VPS41: variants seen among roughly 807,000 people sequenced by gnomAD.
VPS41 encodes the protein VPS41 subunit of HOPS complex.
VPS41 carries 85 observed loss-of-function variants against 130.9 expected under a neutral mutation model. The observed-to-expected ratio is 0.65, with a 90% CI of 0.55 to 0.78. The LOEUF (loss-of-function observed/expected upper bound fraction) is 0.78. Ranked by LOEUF, VPS41 falls within the 30% of genes least tolerant of loss-of-function variation. VPS41 has a pLI of 0.00. For missense variants in VPS41, 874 were observed against 1,018.7 expected, an observed-to-expected ratio of 0.86 and a Z score of 1.93; for synonymous variants, 335 against 332.9, an observed-to-expected ratio of 1.01 and a Z score of -0.07.
rs369650534 is a variant in VPS41 at position 38,850,861 on chromosome 7, T to C, written c.246+11684A>G. On this transcript the variant is annotated intron_variant, in intron 4 of 28. Coordinates refer to ENST00000310301, the MANE Select transcript of VPS41 (RefSeq NM_014396.4). ...AATTCCCATTTTCTAGAAATCTAAGTGGCAATGAATTTTCAAATAACAACA... is the reference window on the plus strand; with the variant it reads ...AATTCCCATTTTCTAGAAATCTAAGCGGCAATGAATTTTCAAATAACAACA... Among the ~76,000 whole-genome samples, 3 of 152,244 alleles carry C rather than the reference T, an allele frequency of 2.0e-5. 1 individual carries two copies. Among genetic ancestry groups the C allele is most frequent in the East Asian group, 1.9e-4 (1 of 5,184 alleles).
intron 22 of VPS41, among the ~76,000 whole-genome samples, chr7:38,747,093 T>C (rs1796000787): frequency 6.6e-6 from 1 of 152,228 alleles, no homozygotes; most frequent in South Asian, 2.1e-4. Context: ...AAATCTTCCT[T>C]TATTTTGATT....
At chr7:38,783,871 A>G (rs1471607754) in intron 10 of VPS41, among the ~76,000 whole-genome samples, 1 of 142,628 alleles carries the variant, frequency 7.0e-6, no homozygotes, top group Non-Finnish European at 1.6e-5. Flanking sequence ...TGTGTATTCA[A>G]ACCTATGAGA....
intron 18 of VPS41, 112 bp downstream of exon 18, chr7:38,758,242 T>C: frequency 1.0e-6 from 1 of 988,094 alleles, no homozygotes; most frequent in South Asian, 1.7e-5. Context: ...AGAAGGAATG[T>C]AGGAAAATGG....
At position 38,795,484 on chromosome 7, in the gene VPS41, C is replaced by T; in HGVS notation, c.698G>A (p.Gly233Asp). 1.2e-6 allele frequency: 2 copies of T among 1,611,892 alleles called. No homozygotes were observed. Among genetic ancestry groups the T allele is most frequent in the Non-Finnish European group, 1.7e-6 (2 of 1,178,798 alleles). ...CWKDNVTLII[G>D]WGTSVKVCSV... is the part of the protein sequence containing the mutation. ...AACCACCTTGACAGAAGTCCCCCAG[C>T]CAATAATCAGTGTCACATTGTCCTT... Residue 233 changes from glycine (G) to aspartate (D), a missense_variant, in exon 9 of 29, where the codon GGC (glycine) becomes GAC (aspartate). By Grantham distance (94) the Gly-to-Asp change is moderately conservative (BLOSUM62 -1). Coordinates refer to ENST00000310301, the MANE Select transcript of VPS41 (RefSeq NM_014396.4).
intron 14 of VPS41, among the ~76,000 whole-genome samples, 197 bp downstream of exon 14, chr7:38,771,001 T>C (rs186617394): frequency 6.6e-6 from 1 of 152,110 alleles, no homozygotes; most frequent in African/African-American, 2.4e-5. Flanking sequence ...TAAAACTGCC[T>C]CCTAGCAGGT....
chr7:38,800,122 A>G (rs768009418), intron 7 of VPS41, among the ~76,000 whole-genome samples: 28 of 152,252 alleles, frequency 1.8e-4, no homozygotes, highest in Non-Finnish European at 3.5e-4. Context: ...AGAGCTATTT[A>G]TAACAGCCAG....
chr7:38,746,397 G>C (rs1228949480), intron 22 of VPS41, among the ~76,000 whole-genome samples: 3 of 152,158 alleles, frequency 2.0e-5, no homozygotes, highest in Non-Finnish European at 2.9e-5. Flanking sequence ...TAATAAAAAT[G>C]TTAGTGATGA....
At chr7:38,849,345 T>G (rs1291979205) in intron 4 of VPS41, among the ~76,000 whole-genome samples, 1 of 152,166 alleles carries the variant, frequency 6.6e-6, no homozygotes, top group Admixed American at 6.5e-5. Context: ...CTTCTGTAGG[T>G]GGCTTGTGTT....
chr7:38,852,120 T>A (rs1785869964), intron 4 of VPS41, among the ~76,000 whole-genome samples: 1 of 152,136 alleles, frequency 6.6e-6, no homozygotes, highest in African/African-American at 2.4e-5. Context: ...CCTCAGCTCA[T>A]GTAACCTGAG....
chr7:38,771,948 T>C (rs1417593538), intron 13 of VPS41, among the ~76,000 whole-genome samples: 1 of 152,150 alleles, frequency 6.6e-6, no homozygotes, highest in Admixed American at 6.5e-5. Flanking sequence ...GTACAACAAA[T>C]ACGTAGACTA....
rs1562560609 is a variant in VPS41 at position 38,724,593 on chromosome 7, T to G, written c.*1653A>C. 1.4e-5 allele frequency: 2 copies of G among 139,532 alleles called. No individual in the cohort carries two copies. Among genetic ancestry groups the G allele is most frequent in the African/African-American group, 6.0e-5 (2 of 33,180 alleles). 8.6% of individuals were successfully genotyped at this position (139,532 alleles called of 1,614,324 possible). On this transcript the variant is annotated 3_prime_UTR_variant, in exon 29 of 29. Coordinates refer to ENST00000310301, the MANE Select transcript of VPS41 (RefSeq NM_014396.4). ...TTGAACTTGGCCCTATGATTTCTTT[T>G]CTTTTCTTTTCTTTTTTGAGACGGA... is the stretch of plus-strand genomic sequence containing the variant.
intron 2 of VPS41, among the ~76,000 whole-genome samples, chr7:38,871,767 G>GTGCAT (rs1562618142): frequency 6.6e-6 from 1 of 152,142 alleles, no homozygotes; most frequent in Non-Finnish European, 1.5e-5. Flanking sequence ...TATTTAGCAG[G>GTGCAT]TGCATTAGCT....
chr7:38,830,366 G>C, intron 4 of VPS41, 38 bp from the exon 5 acceptor site: 2 of 1,204,700 alleles, frequency 1.7e-6, no homozygotes, highest in Non-Finnish European at 2.5e-6. Flanking sequence ...TAAAACTTCA[G>C]GAAAATATAT....
In VPS41 at chr7:38,763,609, A is replaced by G. The variant is rs911113183; in HGVS notation, c.1330-62T>C. On this transcript the variant is annotated intron_variant, in intron 16 of 28. Transcript: ENST00000310301. ...TATGAAAAAACAAAACTGCATTCCA[A>G]TTATGCAGAAAACATAAAGTATATT... is the stretch of plus-strand genomic sequence containing the variant. The G allele has an allele frequency of 4.5e-5, 45 of 993,148 alleles. No homozygotes were observed. The South Asian group carries it at 6.3e-4, about 14-fold the overall frequency. 61.5% of individuals were successfully genotyped at this position (993,148 alleles called of 1,614,324 possible). A position where few individuals can be genotyped will look rare whatever the true frequency, so the allele number is the denominator to read the frequency against.
chr7:38,767,348 T>G (rs541930402), intron 15 of VPS41, among the ~76,000 whole-genome samples, 189 bp downstream of exon 15: 1 of 152,250 alleles, frequency 6.6e-6, no homozygotes, highest in South Asian at 2.1e-4. Flanking sequence ...ATAATAAACA[T>G]TAAACTGATT....
intron 19 of VPS41, among the ~76,000 whole-genome samples, chr7:38,756,556 G>T (rs1265419515): frequency 6.6e-6 from 1 of 152,084 alleles, no homozygotes; most frequent in African/African-American, 2.4e-5. Context: ...TATATGAATT[G>T]TTTTAGCAAG....
At chr7:38,899,045 T>A (rs1787083445) in intron 1 of VPS41, among the ~76,000 whole-genome samples, 1 of 152,208 alleles carries the variant, frequency 6.6e-6, no homozygotes, top group Admixed American at 6.5e-5. Flanking sequence ...CATATATTAC[T>A]CAATACAAGT....
intron 25 of VPS41, among the ~76,000 whole-genome samples, chr7:38,734,578 T>C (rs554482273): frequency 6.6e-6 from 1 of 152,238 alleles, no homozygotes; most frequent in African/African-American, 2.4e-5. Context: ...TTCATCATCA[T>C]TGATAATAAT....
chr7:38,909,179 C>A lies in VPS41; in HGVS notation c.-5G>T. ...CTGCTCCTCTGCTTCCGCCATGGCG[C>A]CACGGGAGAGTCACCTGACAGACCC... On this transcript the variant is annotated 5_prime_UTR_variant, in exon 1 of 29. Transcript: ENST00000310301. 6.2e-7 allele frequency: 1 copy of A among 1,614,256 alleles called. No homozygotes were observed. Among genetic ancestry groups the A allele is most frequent in the Non-Finnish European group, 8.5e-7 (1 of 1,180,040 alleles).
Sources: allele counts gnomAD v4.1 joint callset (sites outside exome capture counted in the v4.1 genomes callset), GRCh38; gene constraint gnomAD v4.1.1; transcripts MANE v1.5; gene names NCBI Gene and HGNC (gene_info 2026-07-23, HGNC 2026-07-21).